STAT3: variants seen among roughly 807,000 people sequenced by gnomAD.
STAT3 encodes signal transducer and activator of transcription 3, also known as DNA-binding protein APRF.
STAT3 carries 7 observed loss-of-function variants against 114.3 expected under a neutral mutation model. The observed-to-expected ratio is 0.06, with a 90% CI of 0.03 to 0.11. STAT3 has a LOEUF of 0.11. Among genes scored for constraint, STAT3 ranks in the 10% least tolerant of loss-of-function variants. The pLI, the probability that STAT3 is intolerant of heterozygous loss-of-function variation, is 1.00. For synonymous variants in STAT3, 331 were observed against 354.5 expected (o/e 0.93, Z 0.74); for missense variants, 364 against 960.9 (o/e 0.38, Z 8.21).
intron 1 of STAT3, among the ~76,000 whole-genome samples, chr17:42,349,650 C>T (rs1044853090): frequency 6.6e-6 from 1 of 152,238 alleles, no homozygotes; most frequent in Non-Finnish European, 1.5e-5. Context: ...GGTTCAGGAA[C>T]ATCCCAGTGA....
chr17:42,344,443 G>C (rs547160368), intron 4 of STAT3, among the ~76,000 whole-genome samples: 3 of 149,014 alleles, frequency 2.0e-5, no homozygotes, highest in Non-Finnish European at 4.4e-5. Flanking sequence ...AAGGCTGGGC[G>C]TGGTGGCTCA....
At chr17:42,366,788 C>G (rs1471164409) in intron 1 of STAT3, among the ~76,000 whole-genome samples, 1 of 152,092 alleles carries the variant, frequency 6.6e-6, no homozygotes, top group Non-Finnish European at 1.5e-5. Flanking sequence ...GGCTAACTGG[C>G]CTGGATGCTT....
chr17:42,359,332 CT>C (rs2083395163), intron 1 of STAT3, among the ~76,000 whole-genome samples: 1 of 152,128 alleles, frequency 6.6e-6, no homozygotes, highest in Non-Finnish European at 1.5e-5. Context: ...CACTAATCAG[CT>C]TTCCCTGCTA....
At chr17:42,321,243 C>T (rs948406710) in intron 21 of STAT3, among the ~76,000 whole-genome samples, 2 of 151,222 alleles carry the variant, frequency 1.3e-5, no homozygotes, top group African/African-American at 4.9e-5. Flanking sequence ...CCTCAGCCTC[C>T]CGAGTAGCTA....
intron 1 of STAT3, among the ~76,000 whole-genome samples, chr17:42,369,135 G>A (rs2083966050): frequency 6.6e-6 from 1 of 152,058 alleles, no homozygotes; most frequent in Admixed American, 6.6e-5. Context: ...CGAGGTGGGA[G>A]GATCATGAGG....
rs7501954 is a variant in STAT3, at chr17:42,333,211, T to C, written c.1049+462A>G. Among the ~76,000 whole-genome samples the C allele has an allele frequency of 0.073, 11,141 of 152,060 alleles. 1,371 individuals are homozygous for C. Among genetic ancestry groups the C allele is most frequent in the African/African-American group, 0.25 (10,540 of 41,404 alleles). ...ACTAAGTTTCTGAGGAGGGAAATTT[T>C]GCTGCAGAAGGTCAAAACCCCAGCA... On this transcript the variant is annotated intron_variant, in intron 10 of 23. Coordinates refer to ENST00000264657, the MANE Select transcript of STAT3 (RefSeq NM_139276.3). This position sits in a 1 kb window ranked among gnomAD's most constrained non-coding sequence, Gnocchi z 5.2.
chr17:42,356,709 C>T (rs1383782331), intron 1 of STAT3, among the ~76,000 whole-genome samples: 1 of 152,040 alleles, frequency 6.6e-6, no homozygotes, highest in Non-Finnish European at 1.5e-5. Flanking sequence ...CTCAAGCGAC[C>T]CTCCTGTTTT....
chr17:42,329,358 C>G (rs2144764320), intron 14 of STAT3, 52 bp downstream of exon 14: 1 of 1,606,512 alleles, frequency 6.2e-7, no homozygotes, highest in South Asian at 1.1e-5. Context: ...CTTTACCCCT[C>G]TCTCCCTCAA....
intron 1 of STAT3, 116 bp from the exon 2 acceptor site, chr17:42,348,655 G>A (rs1012556270): frequency 1.5e-5 from 17 of 1,169,724 alleles, no homozygotes; most frequent in African/African-American, 4.6e-5. Flanking sequence ...AGATGCTCTG[G>A]GGAGGACCCT....
chr17:42,315,711 G>A lies in STAT3; in HGVS notation c.*34C>T, dbSNP rs1396815054. On this transcript the variant is annotated 3_prime_UTR_variant, in exon 24 of 24. Coordinates refer to ENST00000264657, the MANE Select transcript of STAT3 (RefSeq NM_139276.3). ...TGGCAGAATGCAGGTAGGCGCCTCA[G>A]TCGTATCTTTCTGCAGCTTCCGTTC... 3.1e-6 allele frequency: 5 copies of A among 1,606,054 alleles called. No individual in the cohort carries two copies. Among genetic ancestry groups the A allele is most frequent in the East Asian group, 4.5e-5 (2 of 44,844 alleles).
Position 42,319,312 on chromosome 17 carries a change from C to T in STAT3, c.2102-2088G>A, listed in dbSNP as rs149072338. ...ATCCCAGCACTTTGGGAGGCCCAGG[C>T]GGGAAGATCACTTGAGGTCAGGGGT... On this transcript the variant is annotated intron_variant, in intron 21 of 23. Transcript: ENST00000264657. Among the ~76,000 whole-genome samples the T allele has an allele frequency of 7.9e-5, 12 of 152,026 alleles. No homozygotes were observed. In the East Asian group the frequency reaches 1.6e-3, roughly 20 times the overall value.
Position 42,315,632 on chromosome 17 carries a change from T to G in STAT3, c.*113A>C, listed in dbSNP as rs2081217474. On this transcript the variant is annotated 3_prime_UTR_variant, in exon 24 of 24. Transcript: ENST00000264657. Reference sequence around the variant, plus strand: ...CAGAAGTAGGAGATTAAAAAAAATCTGGAACCACAAAGTTAGTAGTTTCAG... The same window carrying G: ...CAGAAGTAGGAGATTAAAAAAAATCGGGAACCACAAAGTTAGTAGTTTCAG... 5.2e-6 allele frequency: 6 copies of G among 1,148,068 alleles called. No individual in the cohort carries two copies. The highest frequency in any genetic ancestry group is 7.9e-6 in the Non-Finnish European group (6 of 762,862). 71.1% of individuals were successfully genotyped at this position (1,148,068 alleles called of 1,614,324 possible). A position where few individuals can be genotyped will look rare whatever the true frequency, so the allele number is the denominator to read the frequency against.
chr17:42,341,652 G>GA (rs1384738197), intron 4 of STAT3, among the ~76,000 whole-genome samples: 2 of 152,114 alleles, frequency 1.3e-5, no homozygotes, highest in East Asian at 1.9e-4. Flanking sequence ...ATTGTAAACA[G>GA]AAAAAATAGC....
chr17:42,357,683 T>A (rs988414255), intron 1 of STAT3, among the ~76,000 whole-genome samples: 1 of 151,748 alleles, frequency 6.6e-6, no homozygotes, highest in Admixed American at 6.6e-5. Flanking sequence ...AAAAAATAAA[T>A]TAAATAAATA....
chr17:42,334,869 C>T (rs972647760), intron 8 of STAT3, among the ~76,000 whole-genome samples: 5 of 152,144 alleles, frequency 3.3e-5, no homozygotes, highest in Non-Finnish European at 7.3e-5. Flanking sequence ...GGAGTTATCA[C>T]TGGAAAATGA....
At position 42,337,581 on chromosome 17, in the gene STAT3, G is replaced by C; in HGVS notation, c.651C>G (p.Ile217Met). 6.2e-7 allele frequency: 1 copy of C among 1,614,150 alleles called. No homozygotes were observed. The highest frequency in any genetic ancestry group is 8.5e-7 in the Non-Finnish European group (1 of 1,180,032). Residue 217 changes from isoleucine to methionine, a missense_variant, in exon 8 of 24, where the codon ATC becomes ATG. Physicochemically the swap from Ile to Met is conservative, Grantham distance 10 (BLOSUM62 1). Coordinates refer to ENST00000264657, the MANE Select transcript of STAT3 (RefSeq NM_139276.3). The surrounding 1 kb of genome is among the most constrained non-coding windows in gnomAD (Gnocchi z 4.0). ...ACAAAAGCCCCGCCAGCTCACTCAC[G>C]ATGCTCTGGTTGGAAACCAAAACAA... ...LTALDQMRRS[I>M]VSELAGLLSA...
chr17:42,382,868 G>C (rs956106142), intron 1 of STAT3, among the ~76,000 whole-genome samples: 3 of 151,636 alleles, frequency 2.0e-5, no homozygotes, highest in Non-Finnish European at 4.4e-5. Context: ...GGATGGTCTC[G>C]ATCTCCTGAC....
intron 1 of STAT3, 145 bp from the exon 2 acceptor site, chr17:42,348,684 A>G (rs1317405076): frequency 2.0e-6 from 2 of 994,798 alleles, no homozygotes; most frequent in Non-Finnish European, 2.9e-6. Flanking sequence ...CTCCCAGTTT[A>G]TTTTATTTTT....
intron 23 of STAT3, 89 bp from the exon 24 acceptor site, chr17:42,315,889 A>G: frequency 1.4e-5 from 22 of 1,609,152 alleles, no homozygotes; most frequent in Non-Finnish European, 1.8e-5. Context: ...GACAGGGCCC[A>G]GGCTACCACT....
Sources: gnomAD v4.1 joint callset for allele counts (sites outside exome capture counted in the v4.1 genomes callset) on GRCh38, gnomAD v4.1.1 for gene constraint, Gnocchi (gnomAD v3.1) non-coding constraint, MANE v1.5 for transcripts, NCBI Gene and HGNC (gene_info 2026-07-23, HGNC 2026-07-21) for gene names.